The following LARP1 variants were observed in gnomAD, a reference collection of about 807,000 sequenced individuals.
LARP1 encodes the protein La ribonucleoprotein 1, translational regulator, also known as la-related protein 1.
A neutral mutation model predicts 122.7 loss-of-function variants in LARP1; 36 were observed. That is an observed-to-expected ratio of 0.29 (90% CI 0.22 to 0.39). The LOEUF (loss-of-function observed/expected upper bound fraction) is 0.39, where lower values mean the gene tolerates loss of function less well. Among genes scored for constraint, LARP1 ranks in the 10% least tolerant of loss-of-function variants. LARP1 has a pLI of 1.00. For missense variants in LARP1, 1,040 were observed against 1,403.6 expected, an observed-to-expected ratio of 0.74 and a Z score of 4.14; for synonymous variants, 539 against 528.7, an observed-to-expected ratio of 1.02 and a Z score of -0.27.
intron 1 of LARP1, among the ~76,000 whole-genome samples, chr5:154,773,738 A>G (rs935472798): frequency 4.6e-5 from 7 of 152,192 alleles, no homozygotes; most frequent in Admixed American, 6.5e-5. Context: ...AGGGTGGGCA[A>G]AGGCCTTCCA....
At chr5:154,688,798 C>A (rs1754056742) in intron 1 of LARP1, among the ~76,000 whole-genome samples, 1 of 152,090 alleles carries the variant, frequency 6.6e-6, no homozygotes, top group African/African-American at 2.4e-5. Context: ...TTCATTCCAG[C>A]CTGGGTGACA....
chr5:154,807,404 A>G (rs780807115), intron 15 of LARP1, among the ~76,000 whole-genome samples: 1 of 151,986 alleles, frequency 6.6e-6, no homozygotes, highest in Non-Finnish European at 1.5e-5. Flanking sequence ...ACAAAATTAA[A>G]CTCTGTTTTC....
At chr5:154,719,482 T>C (rs372950119) in intron 1 of LARP1, among the ~76,000 whole-genome samples, 1 of 152,198 alleles carries the variant, frequency 6.6e-6, no homozygotes, top group East Asian at 1.9e-4. Context: ...CCAATCATCC[T>C]GAAATACAAC....
chr5:154,712,237 T>C (rs1392086565), upstream of LARP1, among the ~76,000 whole-genome samples: 1 of 152,214 alleles, frequency 6.6e-6, no homozygotes, highest in Non-Finnish European at 1.5e-5. Context: ...GATTATATAC[T>C]CATTATAGTG....
At chr5:154,715,259 C>A (rs1755428694) in intron 1 of LARP1, among the ~76,000 whole-genome samples, 1 of 132,042 alleles carries the variant, frequency 7.6e-6, no homozygotes, top group South Asian at 2.4e-4. Context: ...CTGGGGCAAG[C>A]CTCTCTTTTT....
intron 1 of LARP1, among the ~76,000 whole-genome samples, chr5:154,746,783 A>C (rs1193982553): frequency 6.6e-6 from 1 of 152,188 alleles, no homozygotes; most frequent in African/African-American, 2.4e-5. Context: ...AGAATTACTC[A>C]AGGCCAGGAG....
At chr5:154,790,255 G>C in intron 1 of LARP1, 70 bp from the exon 2 acceptor site, 1 of 1,322,410 alleles carries the variant, frequency 7.6e-7, no homozygotes. Context: ...ACGGTGATGA[G>C]GGTGAGGAGC....
chr5:154,813,008 T>C (rs1055996684), intron 18 of LARP1, among the ~76,000 whole-genome samples: 1 of 152,156 alleles, frequency 6.6e-6, no homozygotes, highest in Admixed American at 6.5e-5. Flanking sequence ...ATTTATTATT[T>C]TAAAACTGCC....
chr5:154,747,453 TC>T (rs1380640372), intron 1 of LARP1, among the ~76,000 whole-genome samples: 1 of 151,694 alleles, frequency 6.6e-6, no homozygotes, highest in African/African-American at 2.4e-5. Context: ...CCTGTAGTAA[TC>T]CCAGCACTTT....
intron 1 of LARP1, among the ~76,000 whole-genome samples, chr5:154,746,023 C>T (rs1455658058): frequency 6.6e-6 from 1 of 152,198 alleles, no homozygotes; most frequent in African/African-American, 2.4e-5. Context: ...TAGTCTCAAT[C>T]TCCTGACCTC....
intron 1 of LARP1, among the ~76,000 whole-genome samples, chr5:154,721,676 G>T (rs1295070249): frequency 6.6e-6 from 1 of 152,164 alleles, no homozygotes; most frequent in Non-Finnish European, 1.5e-5. Flanking sequence ...TGCTGCTAAG[G>T]TTTCTCATTT....
At chr5:154,729,442 CT>C (rs1756424695) in intron 1 of LARP1, 1 of 384,822 alleles carries the variant, frequency 2.6e-6, no homozygotes, top group Admixed American at 3.0e-5. Flanking sequence ...TGCTATTGGC[CT>C]TGTTGTAAAC....
chr5:154,796,194 A>ATT (rs1757837651), intron 8 of LARP1, among the ~76,000 whole-genome samples: 1 of 132,368 alleles, frequency 7.6e-6, no homozygotes, highest in African/African-American at 2.9e-5. Context: ...TATTTTATAT[A>ATT]TATATATAGT....
chr5:154,790,441 T>C, intron 2 of LARP1, 55 bp downstream of exon 2: 3 of 1,544,016 alleles, frequency 1.9e-6, no homozygotes, highest in Non-Finnish European at 2.7e-6. Flanking sequence ...GTGGCCTCTT[T>C]CCTGTTTTAG....
At chr5:154,684,752 T>C (rs1753847642) in intron 1 of LARP1, among the ~76,000 whole-genome samples, 2 of 152,112 alleles carry the variant, frequency 1.3e-5, no homozygotes, top group South Asian at 2.1e-4. Flanking sequence ...ATCTGTTCCA[T>C]TGAAATCAAA....
At position 154,755,666 on chromosome 5, in the gene LARP1, A is replaced by G. The variant is rs908486624; in HGVS notation, c.-92A>G. The G allele has an allele frequency of 5.8e-5, 57 of 987,272 alleles. No homozygotes were observed. The African/African-American group carries it at 9.4e-4, about 16-fold the overall frequency. 61.2% of individuals were successfully genotyped at this position (987,272 alleles called of 1,614,324 possible). A position where few individuals can be genotyped will look rare whatever the true frequency, so the allele number is the denominator to read the frequency against. On this transcript the variant is annotated 5_prime_UTR_variant, in exon 1 of 19. Coordinates refer to ENST00000518297, the MANE Select transcript of LARP1 (RefSeq NM_033551.3). ...CAGGGACTGGGGCCCAGCGCCCCGG[A>G]GGAAGGCGTCGCGGGCGCTCTGCTA...
intron 14 of LARP1, among the ~76,000 whole-genome samples, chr5:154,804,513 C>T (rs1346130890): frequency 6.6e-6 from 1 of 152,142 alleles, no homozygotes; most frequent in African/African-American, 2.4e-5. Context: ...GTGTGGCAGT[C>T]ACGTGAGACC....
intron 1 of LARP1, among the ~76,000 whole-genome samples, chr5:154,766,007 G>A (rs1305666657): frequency 6.6e-6 from 1 of 152,118 alleles, no homozygotes; most frequent in South Asian, 2.1e-4. Context: ...TGTAGCAGGG[G>A]CACCCAATTC....
chr5:154,804,539 C>T (rs1261079075), intron 14 of LARP1, among the ~76,000 whole-genome samples: 2 of 152,126 alleles, frequency 1.3e-5, no homozygotes, highest in Non-Finnish European at 2.9e-5. Flanking sequence ...TTCATACATG[C>T]AGAGAGAAAA....
Sources: allele counts gnomAD v4.1 joint callset (sites outside exome capture counted in the v4.1 genomes callset), GRCh38; gene constraint gnomAD v4.1.1; transcripts MANE v1.5; gene names NCBI Gene and HGNC (gene_info 2026-07-23, HGNC 2026-07-21).